Variants in KCNN2 observed in about 807,000 individuals in gnomAD.
KCNN2 encodes potassium calcium-activated channel subfamily N member 2.
In KCNN2, 24 loss-of-function variants were observed where a neutral mutation model predicts 55.5. That is an observed-to-expected ratio of 0.43 (90% CI 0.31 to 0.61). The LOEUF (loss-of-function observed/expected upper bound fraction) is 0.61, where lower values mean the gene tolerates loss of function less well. Among genes scored for constraint, KCNN2 ranks in the 20% least tolerant of loss-of-function variants. KCNN2 has a pLI of 0.08. For missense variants in KCNN2, 754 were observed against 853.6 expected (o/e 0.88, Z 1.45); for synonymous variants, 431 against 336.1 (o/e 1.28, Z -3.09).
At chr5:114,376,834 A>G (rs1233426400) in intron 2 of KCNN2, among the ~76,000 whole-genome samples, 4 of 152,154 alleles carry the variant, frequency 2.6e-5, no homozygotes, top group African/African-American at 4.8e-5. Flanking sequence ...TGTAATCTCA[A>G]TGCTTTGGGA....
intron 1 of KCNN2, among the ~76,000 whole-genome samples, chr5:114,215,906 C>T (rs989064056): frequency 2.0e-5 from 3 of 152,104 alleles, no homozygotes; most frequent in African/African-American, 7.2e-5. Flanking sequence ...TAAATACATT[C>T]TAGTTCTCTA....
chr5:114,254,298 T>A (rs932839649), intron 2 of KCNN2, among the ~76,000 whole-genome samples: 24 of 152,232 alleles, frequency 1.6e-4, no homozygotes, highest in African/African-American at 5.8e-4. Flanking sequence ...CCTTTAAACA[T>A]CTCCACAAGA....
At chr5:114,150,095 G>A (rs889058633) in intron 1 of KCNN2, among the ~76,000 whole-genome samples, 15 of 152,202 alleles carry the variant, frequency 9.9e-5, no homozygotes, top group Non-Finnish European at 4.4e-5. Context: ...AGCACATCAC[G>A]TACTGTTGGC....
chr5:114,140,757 ATCC>A (rs1246709245), intron 1 of KCNN2, among the ~76,000 whole-genome samples: 2 of 138,646 alleles, frequency 1.4e-5, no homozygotes, highest in South Asian at 2.4e-4. Context: ...CATTACTGTC[ATCC>A]TCATTATTAT....
chr5:114,328,917 T>A (rs1023849172), intron 2 of KCNN2, among the ~76,000 whole-genome samples: 1 of 152,164 alleles, frequency 6.6e-6, no homozygotes. Context: ...AAAAAGTGTG[T>A]ATAGTGTGTA....
chr5:114,192,635 G>C (rs926953217), intron 1 of KCNN2, among the ~76,000 whole-genome samples: 6 of 152,036 alleles, frequency 3.9e-5, no homozygotes, highest in African/African-American at 1.4e-4. Context: ...GAAAGGAGAA[G>C]GTTCTTGTAG....
intron 2 of KCNN2, among the ~76,000 whole-genome samples, chr5:114,308,012 T>C (rs1756318603): frequency 6.6e-6 from 1 of 152,112 alleles, no homozygotes; most frequent in South Asian, 2.1e-4. Context: ...CATACACATA[T>C]ATATGTATAT....
intron 1 of KCNN2, among the ~76,000 whole-genome samples, chr5:114,062,665 C>T (rs969041928): frequency 3.3e-5 from 5 of 152,104 alleles, no homozygotes; most frequent in Non-Finnish European, 5.9e-5. Context: ...GTCTCAATTA[C>T]GGTGTGTGTG....
chr5:114,363,098 A>C lies in KCNN2; in HGVS notation c.959A>C (p.Lys320Thr). ...GSGHGSSSGT[K>T]SSKKKNQNIG... ...GGGCACGGCAGCAGCAGTGGCACCA[A>C]GTCCAGCAAAAAGAAAAACCAGAAC... is the stretch of plus-strand genomic sequence containing the variant. The change falls in exon 1 of 8, where the codon AAG (lysine) becomes ACG (threonine). Residue 320 changes from lysine to threonine, a missense_variant. Transcript: ENST00000673685. 6.2e-7 allele frequency: 1 copy of C among 1,612,730 alleles called. No individual in the cohort carries two copies. Among genetic ancestry groups the C allele is most frequent in the Non-Finnish European group, 8.5e-7 (1 of 1,179,918 alleles).
At chr5:114,237,494 A>G (rs183289781) in intron 2 of KCNN2, among the ~76,000 whole-genome samples, 56 of 152,124 alleles carry the variant, frequency 3.7e-4, no homozygotes, top group South Asian at 1.7e-3. Context: ...GACATTGGAG[A>G]CTATTTGGTA....
chr5:114,083,100 AT>A (rs1166998873), intron 1 of KCNN2, among the ~76,000 whole-genome samples: 9 of 152,164 alleles, frequency 5.9e-5, no homozygotes, highest in Admixed American at 4.6e-4. Context: ...ATCTAAAAAA[AT>A]ATTTGTAATA....
intron 2 of KCNN2, among the ~76,000 whole-genome samples, chr5:114,315,707 T>G (rs1756488666): frequency 6.6e-6 from 1 of 152,138 alleles, no homozygotes; most frequent in Non-Finnish European, 1.5e-5. Flanking sequence ...GTCAAATATT[T>G]TGCTTATTGA....
intron 1 of KCNN2, among the ~76,000 whole-genome samples, chr5:114,157,615 C>A (rs1402752025): frequency 6.6e-6 from 1 of 152,172 alleles, no homozygotes; most frequent in Non-Finnish European, 1.5e-5. Flanking sequence ...AGTTTACAGT[C>A]CTACTAACAG....
chr5:114,196,903 GT>G (rs970120687), intron 1 of KCNN2, among the ~76,000 whole-genome samples: 106 of 151,556 alleles, frequency 7.0e-4, no homozygotes, highest in Middle Eastern at 3.4e-3. Flanking sequence ...TTTTGTTCTT[GT>G]TTTTCTAGTT....
chr5:114,291,451 G>C (rs992575954), intron 2 of KCNN2, among the ~76,000 whole-genome samples: 3 of 151,956 alleles, frequency 2.0e-5, no homozygotes, highest in African/African-American at 7.3e-5. Flanking sequence ...TCGGTTTTTT[G>C]TCCTTGCAAT....
At chr5:114,394,142 T>G (rs566204501) in intron 2 of KCNN2, among the ~76,000 whole-genome samples, 31 of 152,330 alleles carry the variant, frequency 2.0e-4, no homozygotes, top group Non-Finnish European at 4.4e-4. Context: ...GAGTACTGTT[T>G]CCTCATACAT....
intron 2 of KCNN2, among the ~76,000 whole-genome samples, chr5:114,345,510 T>C (rs545964450): frequency 1.3e-5 from 2 of 152,126 alleles, no homozygotes; most frequent in African/African-American, 4.8e-5. Context: ...GTAGGTGAAA[T>C]AAAAATCGAA....
At position 114,483,713 on chromosome 5, in the gene KCNN2, CTGTGTGTGTGTG is replaced by C. The variant is rs3070952; in HGVS notation, c.1891-3317_1891-3306del. Among the ~76,000 whole-genome samples the C allele has an allele frequency of 1.1e-3, 159 of 148,342 alleles. 1 individual carries two copies. The highest frequency in any genetic ancestry group is 8.1e-4 in the Admixed American group (12 of 14,864). ...CAGAGCAAATGTTCTTATTTTTCAA[CTGTGTGTGTGTG>C]TGTGTGTGTGTGTGTGTGTAAAGAT... On this transcript the variant is annotated intron_variant, in intron 5 of 7. Transcript: ENST00000673685.
chr5:114,239,209 T>C (rs1333962195), intron 2 of KCNN2, among the ~76,000 whole-genome samples: 3 of 152,102 alleles, frequency 2.0e-5, no homozygotes, highest in East Asian at 3.9e-4. Context: ...ATTGGGAAAA[T>C]AGTCAGCTAG....
Sources: allele counts gnomAD v4.1 joint callset (sites outside exome capture counted in the v4.1 genomes callset), GRCh38; gene constraint gnomAD v4.1.1; transcripts MANE v1.5; gene names NCBI Gene and HGNC (gene_info 2026-07-23, HGNC 2026-07-21).